DOCK2: variants seen among roughly 807,000 people sequenced by gnomAD.
The protein encoded by DOCK2 is dedicator of cytokinesis protein 2.
A neutral mutation model predicts 248.9 loss-of-function variants in DOCK2; 87 were observed. The ratio of observed to expected loss-of-function variants is 0.35; its 90% CI spans 0.29 to 0.42. The LOEUF (loss-of-function observed/expected upper bound fraction) is 0.42, where lower values mean the gene tolerates loss of function less well. Among genes scored for constraint, DOCK2 ranks in the 10% least tolerant of loss-of-function variants. DOCK2 has a pLI of 1.00. For missense variants in DOCK2, 1,747 were observed against 2,300.2 expected, an observed-to-expected ratio of 0.76 and a Z score of 4.92; for synonymous variants, 805 against 821.6, an observed-to-expected ratio of 0.98 and a Z score of 0.35.
intron 27 of DOCK2, among the ~76,000 whole-genome samples, chr5:169,876,611 G>T (rs149663817): frequency 1.3e-5 from 2 of 152,320 alleles, no homozygotes; most frequent in East Asian, 1.9e-4. Flanking sequence ...ATCAAAGAAA[G>T]GTTCTCTCTT....
Position 169,956,909 on chromosome 5 carries a change from G to A in DOCK2, c.2800-26159G>A, listed in dbSNP as rs79716714. ...GTTTCTGTATTGGCCAACATGCCTG[G>A]TTTCTGTCCCTGGAGGGCCTGCAGA... is the stretch of plus-strand genomic sequence containing the variant. On this transcript the variant is annotated intron_variant, in intron 27 of 51. Transcript: ENST00000520908. Among the ~76,000 whole-genome samples the A allele has an allele frequency of 8.5e-3, 1,296 of 152,184 alleles. 10 individuals are homozygous for A. Among genetic ancestry groups the A allele is most frequent in the Non-Finnish European group, 0.014 (920 of 67,992 alleles).
intron 27 of DOCK2, among the ~76,000 whole-genome samples, chr5:169,854,475 T>C (rs1308914253): frequency 6.6e-6 from 1 of 152,212 alleles, no homozygotes; most frequent in East Asian, 1.9e-4. Context: ...TGAGCCACCA[T>C]GCCCAGCCCT....
At position 170,057,561 on chromosome 5, in the gene DOCK2, C is replaced by A. The variant is rs1460800969; in HGVS notation, c.4381-19C>A. On this transcript the variant is annotated intron_variant, in intron 43 of 51. Coordinates refer to ENST00000520908, the MANE Select transcript of DOCK2 (RefSeq NM_004946.3). Reference sequence around the variant, plus strand: ...GTTTGTTGCTTTCCTGCCCTTGCCACCCCTCTGCCCACGGACAGTCCATGT... The same window carrying A: ...GTTTGTTGCTTTCCTGCCCTTGCCAACCCTCTGCCCACGGACAGTCCATGT... 2 of 1,611,884 alleles carry A rather than the reference C, an allele frequency of 1.2e-6. No individual in the cohort carries two copies. The highest frequency in any genetic ancestry group is 1.7e-6 in the Non-Finnish European group (2 of 1,178,002).
At position 169,814,738 on chromosome 5, in the gene DOCK2, TATG is replaced by T. The variant is rs374542648; in HGVS notation, c.2703+11534_2703+11536del. ...AGTATTTAAGGGATGATTACTCACT[TATG>T]AAGAATGAGGGTTGAAGGTGAACAG... On this transcript the variant is annotated intron_variant, in intron 26 of 51. Transcript: ENST00000520908. Among the ~76,000 whole-genome samples, 140 of 152,286 alleles carry T rather than the reference TATG, an allele frequency of 9.2e-4. 1 individual carries two copies. Among genetic ancestry groups the T allele is most frequent in the African/African-American group, 3.1e-3 (130 of 41,552 alleles).
At chr5:169,733,964 T>A (rs1253882296) in intron 22 of DOCK2, among the ~76,000 whole-genome samples, 2 of 152,194 alleles carry the variant, frequency 1.3e-5, no homozygotes, top group Non-Finnish European at 2.9e-5. Flanking sequence ...CTTGCTTTTT[T>A]AAATATTCAC....
At chr5:169,899,251 G>A (rs559172297) in intron 27 of DOCK2, among the ~76,000 whole-genome samples, 7 of 152,258 alleles carry the variant, frequency 4.6e-5, no homozygotes, top group African/African-American at 7.2e-5. Context: ...CCTTCAGCAC[G>A]CCCAGACAGT....
chr5:169,779,859 C>A (rs1765596721), intron 25 of DOCK2, among the ~76,000 whole-genome samples: 1 of 152,168 alleles, frequency 6.6e-6, no homozygotes, highest in South Asian at 2.1e-4. Context: ...TCCACTCAGT[C>A]CCCTCAGGTT....
intron 26 of DOCK2, among the ~76,000 whole-genome samples, chr5:169,835,259 G>GTTTTTTTTTTTTTTTTTTTTTT (rs763950012): frequency 2.2e-5 from 3 of 138,610 alleles, no homozygotes; most frequent in Non-Finnish European, 3.0e-5. Flanking sequence ...TGAAATGCCT[G>GTTTTTTTTTTTTTTTTTTTTTT]GTTTTTTTTT....
intron 25 of DOCK2, among the ~76,000 whole-genome samples, chr5:169,780,818 A>G (rs1765673482): frequency 6.6e-6 from 1 of 152,252 alleles, no homozygotes; most frequent in Non-Finnish European, 1.5e-5. Context: ...ATGTATAACA[A>G]AACCAATTTT....
intron 26 of DOCK2, among the ~76,000 whole-genome samples, chr5:169,807,911 A>G (rs1767492834): frequency 6.6e-6 from 1 of 151,996 alleles, no homozygotes; most frequent in Non-Finnish European, 1.5e-5. Context: ...CAAATATTTC[A>G]AACACATTAA....
At chr5:169,998,989 G>T (rs1754742660) in intron 30 of DOCK2, among the ~76,000 whole-genome samples, 1 of 152,190 alleles carries the variant, frequency 6.6e-6, no homozygotes, top group Non-Finnish European at 1.5e-5. Context: ...GGCCAGAGGT[G>T]ACAGGGTTTG....
At chr5:169,665,584 A>G (rs1049598575) in intron 2 of DOCK2, among the ~76,000 whole-genome samples, 3 of 152,074 alleles carry the variant, frequency 2.0e-5, no homozygotes, top group African/African-American at 7.2e-5. Flanking sequence ...TCTTTTGTCC[A>G]TATGTAGGTA....
chr5:169,741,854 G>T (rs932959885), intron 22 of DOCK2, among the ~76,000 whole-genome samples: 1 of 140,330 alleles, frequency 7.1e-6, no homozygotes, highest in African/African-American at 2.7e-5. Flanking sequence ...CTGTCTCCCA[G>T]GCTGGAGTGC....
intron 27 of DOCK2, among the ~76,000 whole-genome samples, chr5:169,946,648 A>G (rs1160681171): frequency 6.6e-6 from 1 of 152,228 alleles, no homozygotes; most frequent in East Asian, 1.9e-4. Flanking sequence ...TTCAAGGAAT[A>G]AGATAGGCCA....
chr5:169,852,165 T>C (rs925490870), intron 27 of DOCK2, among the ~76,000 whole-genome samples: 1 of 152,068 alleles, frequency 6.6e-6, no homozygotes, highest in Non-Finnish European at 1.5e-5. Context: ...GACTGGTCCA[T>C]CATCAAATCC....
rs1004966294 is a variant in DOCK2, at chr5:169,963,594, G to C, written c.2800-19474G>C. 2.0e-5 allele frequency among the ~76,000 whole-genome samples: 3 copies of C among 152,142 alleles called. No homozygotes were observed. In the South Asian group the frequency reaches 6.2e-4, roughly 31 times the overall value. The stretch of plus-strand genomic sequence containing the variant: ...CCATCACAGGGGCACTTACACAGCC[G>C]TTCCCCTCCGGTGCACATCAAAGCA... On this transcript the variant is annotated intron_variant, in intron 27 of 51. Transcript: ENST00000520908.
At chr5:170,036,584 C>A (rs771679027) in intron 36 of DOCK2, 29 bp downstream of exon 36, 9 of 1,608,752 alleles carry the variant, frequency 5.6e-6, no homozygotes, top group Admixed American at 3.3e-5. Context: ...AAAATCCAGA[C>A]CTGCTGTGTC....
intron 32 of DOCK2, among the ~76,000 whole-genome samples, chr5:170,015,567 T>G (rs200751218): frequency 7.3e-5 from 11 of 150,960 alleles, no homozygotes; most frequent in Admixed American, 1.3e-4. Flanking sequence ...TTTAGGTTTT[T>G]TTTGTTTGTT....
At chr5:169,719,805 G>T (rs1248582786) in intron 22 of DOCK2, among the ~76,000 whole-genome samples, 1 of 152,068 alleles carries the variant, frequency 6.6e-6, no homozygotes, top group Non-Finnish European at 1.5e-5. Context: ...GGTCATGTGT[G>T]CATTACTGGA....
Sources: allele counts gnomAD v4.1 joint callset (sites outside exome capture counted in the v4.1 genomes callset), GRCh38; gene constraint gnomAD v4.1.1; transcripts MANE v1.5; gene names NCBI Gene and HGNC (gene_info 2026-07-23, HGNC 2026-07-21).